PCDH7: variants seen among roughly 807,000 people sequenced by gnomAD.
PCDH7 encodes protocadherin 7.
Under a neutral mutation model 58.9 loss-of-function variants are expected in PCDH7, and 17 were observed. That is an observed-to-expected ratio of 0.29 (90% CI 0.20 to 0.43). The LOEUF (loss-of-function observed/expected upper bound fraction) is 0.43, where lower values mean the gene tolerates loss of function less well. PCDH7 is among the 20% of genes least tolerant of loss of function. PCDH7 has a pLI of 1.00. For missense variants in PCDH7, 1,274 were observed against 1,441.0 expected (o/e 0.88, Z 1.88); for synonymous variants, 664 against 616.4 (o/e 1.08, Z -1.14).
chr4:30,894,524 C>T (rs1278270116), intron 1 of PCDH7, among the ~76,000 whole-genome samples: 1,015 of 63,158 alleles, frequency 0.016, 8 homozygotes, highest in Admixed American at 0.035. Flanking sequence ...TATACACACA[C>T]ACACACACAC....
intron 2 of PCDH7, among the ~76,000 whole-genome samples, chr4:30,948,569 A>T (rs1369397004): frequency 6.6e-6 from 1 of 152,198 alleles, no homozygotes. Flanking sequence ...TTAATGTTTT[A>T]AGTTAAATAC....
chr4:30,888,812 G>C (rs1340076603), intron 1 of PCDH7, among the ~76,000 whole-genome samples: 2 of 152,074 alleles, frequency 1.3e-5, no homozygotes, highest in East Asian at 3.9e-4. Flanking sequence ...ATGTATATGA[G>C]TACTTACACT....
chr4:30,755,002 G>A (rs531634385), intron 1 of PCDH7, among the ~76,000 whole-genome samples: 4 of 152,082 alleles, frequency 2.6e-5, no homozygotes, highest in Non-Finnish European at 5.9e-5. Flanking sequence ...TATTTTTATG[G>A]TTGTATTCAC....
intron 1 of PCDH7, among the ~76,000 whole-genome samples, chr4:30,759,535 G>A (rs1446939734): frequency 6.6e-6 from 1 of 152,072 alleles, no homozygotes; most frequent in Non-Finnish European, 1.5e-5. Flanking sequence ...TATTTTCTAG[G>A]AAGAGTGAAA....
intron 3 of PCDH7, among the ~76,000 whole-genome samples, chr4:31,131,092 C>T (rs1718923514): frequency 6.6e-6 from 1 of 152,080 alleles, no homozygotes; most frequent in South Asian, 2.1e-4. Flanking sequence ...AGCTCCTGCC[C>T]CAACACAGGG....
chr4:31,029,280 C>T (rs1225490930), intron 3 of PCDH7, among the ~76,000 whole-genome samples: 1 of 152,148 alleles, frequency 6.6e-6, no homozygotes, highest in African/African-American at 2.4e-5. Flanking sequence ...GCCTATTTCA[C>T]CTAATGTACT....
At position 30,979,281 on chromosome 4, in the gene PCDH7, G is replaced by C. The variant is rs150893962; in HGVS notation, c.*7+29066G>C. Among the ~76,000 whole-genome samples the C allele has an allele frequency of 9.7e-3, 1,455 of 149,876 alleles. 19 individuals carry two copies. The highest frequency in any genetic ancestry group is 0.031 in the African/African-American group (1,265 of 40,604). ...GAGGAGCTTGCAGTGAGCCGAGGTG[G>C]TGCCACTGCACTCCAGCCTGGGCCA... On this transcript the variant is annotated intron_variant, in intron 3 of 3. Coordinates refer to the PCDH7 transcript ENST00000509759.
intron 1 of PCDH7, among the ~76,000 whole-genome samples, chr4:30,880,824 A>G (rs1015915372): frequency 6.6e-6 from 1 of 152,210 alleles, no homozygotes; most frequent in Non-Finnish European, 1.5e-5. Context: ...GAGTATAAAA[A>G]TGAATTGATT....
chr4:30,845,867 A>G (rs73214904), intron 1 of PCDH7, among the ~76,000 whole-genome samples: 13,579 of 152,220 alleles, frequency 0.089, 767 homozygotes, highest in Non-Finnish European at 0.12. Flanking sequence ...TGTTGGGATT[A>G]CAGGTGTAAA....
At chr4:31,115,335 T>A (rs1267458877) in intron 3 of PCDH7, among the ~76,000 whole-genome samples, 1 of 152,072 alleles carries the variant, frequency 6.6e-6, no homozygotes, top group South Asian at 2.1e-4. Context: ...TTTTATTATA[T>A]TATTATATTA....
chr4:30,953,220 C>G (rs545965434), intron 3 of PCDH7, among the ~76,000 whole-genome samples: 122 of 152,206 alleles, frequency 8.0e-4, no homozygotes, highest in Non-Finnish European at 1.4e-3. Context: ...TTCTAGCTTC[C>G]TGTAACTTGA....
intron 3 of PCDH7, among the ~76,000 whole-genome samples, chr4:31,138,468 A>G (rs1266590425): frequency 2.0e-5 from 3 of 152,184 alleles, no homozygotes; most frequent in Non-Finnish European, 2.9e-5. Context: ...ATTGACCTCT[A>G]AATAACTCAG....
At chr4:30,896,597 AT>A (rs2109389872) in intron 1 of PCDH7, among the ~76,000 whole-genome samples, 1 of 152,268 alleles carries the variant, frequency 6.6e-6, no homozygotes, top group East Asian at 1.9e-4. Flanking sequence ...AATTTAACTA[AT>A]TAGGTAAAAT....
intron 3 of PCDH7, among the ~76,000 whole-genome samples, chr4:31,008,491 T>C (rs1376184319): frequency 2.0e-5 from 3 of 152,176 alleles, no homozygotes; most frequent in Non-Finnish European, 2.9e-5. Flanking sequence ...GTTATTACTT[T>C]GTTAAGTTAG....
At chr4:31,077,024 G>GA (rs1358133212) in intron 3 of PCDH7, among the ~76,000 whole-genome samples, 5 of 148,578 alleles carry the variant, frequency 3.4e-5, no homozygotes, top group Middle Eastern at 3.5e-3. Context: ...AAGGCAAAAA[G>GA]AAAAAAAAAG....
At chr4:31,074,538 T>A (rs544882109) in intron 3 of PCDH7, among the ~76,000 whole-genome samples, 5 of 151,880 alleles carry the variant, frequency 3.3e-5, no homozygotes, top group Non-Finnish European at 7.4e-5. Context: ...CTCCCAGCAC[T>A]CTCAGAGGCC....
intron 3 of PCDH7, among the ~76,000 whole-genome samples, chr4:30,967,211 G>GA (rs34392526): frequency 0.15 from 22,590 of 150,624 alleles, 1,795 homozygotes; most frequent in Non-Finnish European, 0.17. Flanking sequence ...ATTGCAAAAA[G>GA]AAAAAAAAAT....
At chr4:30,771,209 A>G (rs1424238996) in intron 1 of PCDH7, among the ~76,000 whole-genome samples, 2 of 152,184 alleles carry the variant, frequency 1.3e-5, no homozygotes, top group African/African-American at 4.8e-5. Context: ...CGAATTCATA[A>G]TTTTGCCCTA....
At chr4:30,938,304 C>T (rs950528063) in intron 2 of PCDH7, among the ~76,000 whole-genome samples, 1 of 152,064 alleles carries the variant, frequency 6.6e-6, no homozygotes, top group Non-Finnish European at 1.5e-5. Context: ...ATTGATTGGA[C>T]TTTATGAACT....
Sources: allele counts gnomAD v4.1 joint callset (sites outside exome capture counted in the v4.1 genomes callset), GRCh38; gene constraint gnomAD v4.1.1; transcripts MANE v1.5; gene names NCBI Gene and HGNC (gene_info 2026-07-23, HGNC 2026-07-21).